Variants in PRKAR2A observed in about 807,000 individuals in gnomAD.
PRKAR2A encodes the protein cAMP-dependent protein kinase type II-alpha regulatory subunit.
In PRKAR2A, 29 loss-of-function variants were observed where a neutral mutation model predicts 51.9. The observed-to-expected ratio is 0.56, with a 90% CI of 0.42 to 0.76. PRKAR2A has a LOEUF of 0.76. Among genes scored for constraint, PRKAR2A ranks in the 30% least tolerant of loss-of-function variants. PRKAR2A has a pLI of 0.00. For synonymous variants in PRKAR2A, 178 were observed against 186.2 expected, an observed-to-expected ratio of 0.96 and a Z score of 0.36; for missense variants, 445 against 512.1, an observed-to-expected ratio of 0.87 and a Z score of 1.26.
chr3:48,826,717 G>A (rs1209149565), intron 1 of PRKAR2A, among the ~76,000 whole-genome samples: 1 of 151,826 alleles, frequency 6.6e-6, no homozygotes, highest in Non-Finnish European at 1.5e-5. Flanking sequence ...TGATCCAAAA[G>A]GCTCATGAAT....
rs375754941 is a variant in PRKAR2A at position 48,828,974 on chromosome 3, C to T, written c.262+18361G>A. ...TCAGCCTCCCGAGTAGCTAGGACTA[C>T]AAGCACATATCACCACACCCGGCTA... is the stretch of plus-strand genomic sequence containing the variant. On this transcript the variant is annotated intron_variant, in intron 1 of 10. Transcript: ENST00000265563. Among the ~76,000 whole-genome samples the T allele has an allele frequency of 1.2e-4, 18 of 151,986 alleles. No individual in the cohort carries two copies. The East Asian group carries it at 2.6e-3, about 22-fold the overall frequency.
chr3:48,808,531 G>C (rs535267417), intron 1 of PRKAR2A, among the ~76,000 whole-genome samples: 1 of 151,774 alleles, frequency 6.6e-6, no homozygotes, highest in Non-Finnish European at 1.5e-5. Flanking sequence ...GGGATTACAG[G>C]CGTGAGCCAC....
At chr3:48,796,927 T>C (rs1211196089) in intron 2 of PRKAR2A, among the ~76,000 whole-genome samples, 3 of 152,058 alleles carry the variant, frequency 2.0e-5, no homozygotes, top group East Asian at 1.9e-4. Context: ...TGATTTCTTA[T>C]AGTTTACTGA....
At position 48,765,360 on chromosome 3, in the gene PRKAR2A, G is replaced by T; in HGVS notation, c.697-11C>A. On this transcript the variant is annotated splice_polypyrimidine_tract_variant and intron_variant, in intron 6 of 10. Transcript: ENST00000265563. ...AAAAGTCACCCGGTCCTACAAGAAA[G>T]AATATGAAAATTCTAGTAAATGCCT... The T allele has an allele frequency of 6.4e-7, 1 of 1,573,828 alleles. No individual in the cohort carries two copies.
intron 5 of PRKAR2A, among the ~76,000 whole-genome samples, chr3:48,775,125 T>C (rs932214562): frequency 3.9e-5 from 6 of 152,080 alleles, no homozygotes; most frequent in African/African-American, 9.7e-5. Context: ...TTTTCTTTCA[T>C]AGTCTGTTAA....
Position 48,751,656 on chromosome 3 carries a change from T to C in PRKAR2A, c.1144A>G (p.Ile382Val), listed in dbSNP as rs1260569973. The C allele has an allele frequency of 1.2e-6, 2 of 1,614,140 alleles. No individual in the cohort carries two copies. Among genetic ancestry groups the C allele is most frequent in the Non-Finnish European group, 8.5e-7 (1 of 1,179,986 alleles). ...ACCAGCTGTTCCTCATAGTGTGAGA[T>C]GTTCCTCTTCATGATGTCCATGCAG... is the stretch of plus-strand genomic sequence containing the variant. ...GPCMDIMKRN[I>V]SHYEEQLVKM... The change falls in exon 11 of 11, where the codon ATC (isoleucine) becomes GTC (valine). Residue 382 changes from isoleucine to valine, a missense_variant. Coordinates refer to ENST00000265563, the MANE Select transcript of PRKAR2A (RefSeq NM_004157.4).
chr3:48,758,371 G>A (rs550961448), intron 8 of PRKAR2A, among the ~76,000 whole-genome samples: 1 of 151,596 alleles, frequency 6.6e-6, no homozygotes, highest in African/African-American at 2.4e-5. Context: ...CTGAGCTCAG[G>A]AGTTCGAGAC....
intron 5 of PRKAR2A, among the ~76,000 whole-genome samples, chr3:48,782,338 A>G (rs763160012): frequency 2.4e-4 from 36 of 152,228 alleles, no homozygotes; most frequent in Non-Finnish European, 4.7e-4. Flanking sequence ...TGACTATAGT[A>G]CCATGGCTAA....
At chr3:48,769,386 T>G (rs1181421356) in intron 6 of PRKAR2A, among the ~76,000 whole-genome samples, 1 of 151,888 alleles carries the variant, frequency 6.6e-6, no homozygotes, top group East Asian at 2.0e-4. Flanking sequence ...CTCAATCTCC[T>G]GACCTCATGA....
At chr3:48,802,051 A>T (rs1424711897) in intron 2 of PRKAR2A, among the ~76,000 whole-genome samples, 16 of 152,228 alleles carry the variant, frequency 1.1e-4, no homozygotes, top group Admixed American at 9.8e-4. Flanking sequence ...CTGGGATTAT[A>T]GGCGCCTGCC....
intron 1 of PRKAR2A, among the ~76,000 whole-genome samples, chr3:48,808,335 G>A (rs1264049161): frequency 1.3e-5 from 2 of 152,298 alleles, no homozygotes; most frequent in East Asian, 1.9e-4. Flanking sequence ...CTCACTGCAA[G>A]CTCCGCCTCC....
intron 1 of PRKAR2A, among the ~76,000 whole-genome samples, chr3:48,821,916 G>GAA (rs553317539): frequency 3.9e-5 from 4 of 101,352 alleles, no homozygotes; most frequent in Non-Finnish European, 8.2e-5. Flanking sequence ...CTCCATGTCA[G>GAA]AAAAAAAAAA....
At chr3:48,793,671 C>G (rs1257039002) in intron 3 of PRKAR2A, among the ~76,000 whole-genome samples, 2 of 151,656 alleles carry the variant, frequency 1.3e-5, no homozygotes, top group Non-Finnish European at 2.9e-5. Flanking sequence ...TTTTTTTTCC[C>G]CACAGAGATG....
intron 2 of PRKAR2A, 105 bp from the exon 3 acceptor site, chr3:48,794,154 C>CTTT: frequency 1.0e-4 from 68 of 661,962 alleles, no homozygotes; most frequent in East Asian, 2.4e-4. Context: ...GTTTTCTTTT[C>CTTT]TTTTTTTTTT....
intron 4 of PRKAR2A, among the ~76,000 whole-genome samples, chr3:48,790,272 T>C (rs952399626): frequency 1.2e-4 from 18 of 152,224 alleles, no homozygotes; most frequent in African/African-American, 4.1e-4. Context: ...GAATTTTCCA[T>C]TTAGTATTTT....
intron 1 of PRKAR2A, among the ~76,000 whole-genome samples, chr3:48,827,401 T>C (rs1441379164): frequency 6.6e-6 from 1 of 151,608 alleles, no homozygotes; most frequent in Non-Finnish European, 1.5e-5. Context: ...TAGCATGAAG[T>C]AAACTCTTTG....
chr3:48,798,919 C>A (rs1293873808), intron 2 of PRKAR2A, among the ~76,000 whole-genome samples: 1 of 152,150 alleles, frequency 6.6e-6, no homozygotes, highest in Non-Finnish European at 1.5e-5. Context: ...CCTCGGTCTC[C>A]CAAAATGCTG....
intron 10 of PRKAR2A, 129 bp from the exon 11 acceptor site, chr3:48,751,847 G>C (rs2081653312): frequency 9.0e-7 from 1 of 1,113,626 alleles, no homozygotes. Flanking sequence ...TTGCAAAAAG[G>C]GATGTTTCTA....
chr3:48,846,133 T>G (rs2083457737), intron 1 of PRKAR2A, among the ~76,000 whole-genome samples: 1 of 152,066 alleles, frequency 6.6e-6, no homozygotes, highest in Admixed American at 6.6e-5. Context: ...GCTGCTCTCC[T>G]GATCTCAGTC....
Sources: allele counts gnomAD v4.1 joint callset (sites outside exome capture counted in the v4.1 genomes callset), GRCh38; gene constraint gnomAD v4.1.1; transcripts MANE v1.5; gene names NCBI Gene and HGNC (gene_info 2026-07-23, HGNC 2026-07-21).